ARID1B: variants seen among roughly 807,000 people sequenced by gnomAD.
The protein encoded by ARID1B is AT-rich interaction domain 1B, also known as AT-rich interactive domain-containing protein 1B.
Under a neutral mutation model 212.3 loss-of-function variants are expected in ARID1B, and 30 were observed. The observed-to-expected ratio is 0.14, with a 90% CI of 0.11 to 0.19. ARID1B has a LOEUF of 0.19. ARID1B is among the 10% of genes least tolerant of loss of function. The pLI is 1.00. For missense variants in ARID1B, 2,891 were observed against 3,204.0 expected (o/e 0.90, Z 2.36); for synonymous variants, 1,402 against 1,301.7 (o/e 1.08, Z -1.66).
chr6:157,207,913 G>A lies in ARID1B; in HGVS notation c.*22G>A. 1 of 1,466,736 alleles carries A rather than the reference G, an allele frequency of 6.8e-7. No homozygotes were observed. 90.9% of individuals were successfully genotyped at this position (1,466,736 alleles called of 1,614,324 possible). ...ATGACATAAGTGAGAAGGCAAGCAT[G>A]TGTGAGTGAAGATTAGAGGGTCACA... On this transcript the variant is annotated 3_prime_UTR_variant, in exon 20 of 20. Transcript: ENST00000636930. This position sits in a 1 kb window ranked among gnomAD's most constrained non-coding sequence, Gnocchi z 8.5.
chr6:156,828,728 C>CT (rs1782932563), intron 1 of ARID1B, among the ~76,000 whole-genome samples: 1 of 152,174 alleles, frequency 6.6e-6, no homozygotes, highest in South Asian at 2.1e-4. Context: ...GATCTAAAAT[C>CT]TATCTTTTCA....
intron 16 of ARID1B, chr6:157,198,587 A>G: frequency 1.9e-6 from 1 of 528,780 alleles, no homozygotes; most frequent in South Asian, 2.8e-5. Flanking sequence ...ATTAGCCAAC[A>G]GCCCAAACTA....
chr6:156,931,016 C>T lies in ARID1B; in HGVS notation c.2137-4450C>T, dbSNP rs527939236. On this transcript the variant is annotated intron_variant, in intron 3 of 19. Transcript: ENST00000636930. ...CCATTCTGGCCAACACAGTGAAACC[C>T]CATCTCTACTAAAAATACAAAAAAT... Among the ~76,000 whole-genome samples, 821 of 152,040 alleles carry T rather than the reference C, an allele frequency of 5.4e-3. 10 individuals carry two copies. The highest frequency in any genetic ancestry group is 0.018 in the African/African-American group (766 of 41,482).
chr6:157,001,505 T>C (rs1403418532), intron 4 of ARID1B, among the ~76,000 whole-genome samples: 1 of 152,198 alleles, frequency 6.6e-6, no homozygotes, highest in Non-Finnish European at 1.5e-5. Context: ...AGACCAACCA[T>C]CGAAGCAGCT....
chr6:156,922,573 A>G (rs1031670374), intron 3 of ARID1B, among the ~76,000 whole-genome samples: 1 of 152,130 alleles, frequency 6.6e-6, no homozygotes, highest in African/African-American at 2.4e-5. Context: ...AGTAATTTTT[A>G]TTTGTGTTTC....
intron 18 of ARID1B, among the ~76,000 whole-genome samples, chr6:157,202,333 T>A (rs1794166020): frequency 6.6e-6 from 1 of 152,172 alleles, no homozygotes; most frequent in Non-Finnish European, 1.5e-5. Flanking sequence ...GAAAAATTAC[T>A]CAAAAAATAT....
intron 4 of ARID1B, among the ~76,000 whole-genome samples, chr6:157,036,093 T>G (rs1257752969): frequency 2.6e-5 from 4 of 152,244 alleles, no homozygotes; most frequent in African/African-American, 7.2e-5. Context: ...TTCTGTTGCC[T>G]TCTTTCCTTG....
intron 4 of ARID1B, chr6:156,938,759 G>T (rs2282074): frequency 6.6e-6 from 1 of 151,998 alleles, no homozygotes; most frequent in South Asian, 2.1e-4. Context: ...AGAAATCAAG[G>T]CATTTCCAAT....
chr6:157,173,767 G>A (rs917606611), intron 9 of ARID1B: 8 of 387,698 alleles, frequency 2.1e-5, no homozygotes, highest in Non-Finnish European at 3.2e-5. Context: ...ACCTTCATAG[G>A]TTTGGGTCTT....
chr6:157,039,296 A>G (rs1273160151), intron 4 of ARID1B, among the ~76,000 whole-genome samples: 4 of 150,586 alleles, frequency 2.7e-5, no homozygotes, highest in African/African-American at 4.9e-5. Flanking sequence ...TTATACATAT[A>G]ATTAAAAATG....
chr6:156,935,689 C>A, intron 4 of ARID1B, 113 bp downstream of exon 4: 2 of 972,058 alleles, frequency 2.1e-6, no homozygotes, highest in Non-Finnish European at 3.0e-6. Context: ...AGTTTCTAGA[C>A]TTCAGGTTTA....
intron 6 of ARID1B, among the ~76,000 whole-genome samples, chr6:157,111,476 T>C (rs974592295): frequency 2.0e-5 from 3 of 152,188 alleles, no homozygotes; most frequent in African/African-American, 4.8e-5. Context: ...GAGATACCGC[T>C]GTCCTGCACT....
intron 2 of ARID1B, among the ~76,000 whole-genome samples, chr6:156,839,221 T>C (rs550178231): frequency 2.0e-5 from 3 of 152,346 alleles, no homozygotes; most frequent in South Asian, 4.1e-4. Flanking sequence ...TTATTTCTTA[T>C]AGTTCTGAAG....
intron 9 of ARID1B, chr6:157,168,050 G>A (rs6926549): frequency 0.065 from 9,833 of 152,268 alleles, 464 homozygotes; most frequent in African/African-American, 0.13. Flanking sequence ...CCCGTGATGC[G>A]TTAGGAATGC....
chr6:157,129,973 A>G (rs919638276), intron 6 of ARID1B, among the ~76,000 whole-genome samples: 1 of 152,178 alleles, frequency 6.6e-6, no homozygotes, highest in South Asian at 2.1e-4. Flanking sequence ...GTTCGAGACC[A>G]GCCTGGCCAA....
chr6:156,898,216 A>T (rs1317785388), intron 2 of ARID1B, among the ~76,000 whole-genome samples: 1 of 152,194 alleles, frequency 6.6e-6, no homozygotes, highest in Non-Finnish European at 1.5e-5. Context: ...CCGTCTGGTT[A>T]TATGAGTTAT....
chr6:156,935,217 C>T (rs1314620523), intron 3 of ARID1B, among the ~76,000 whole-genome samples: 7 of 151,576 alleles, frequency 4.6e-5, no homozygotes, highest in African/African-American at 1.7e-4. Flanking sequence ...CTCAGCCTCC[C>T]AAGTAGCTGC....
rs189049586 is a variant in ARID1B, at chr6:157,210,160, T to G, written c.*2269T>G. On this transcript the variant is annotated 3_prime_UTR_variant, in exon 20 of 20. Transcript: ENST00000636930. ...TCCCACATTACTGAGTCAAACAGTC[T>G]TCTTACATAACAATGCAACCAAATA... 2.5e-3 allele frequency: 591 copies of G among 232,520 alleles called. 1 individual carries two copies. The highest frequency in any genetic ancestry group is 4.0e-3 in the Non-Finnish European group (468 of 117,614). 14.4% of individuals were successfully genotyped at this position (232,520 alleles called of 1,614,324 possible). A position where few individuals can be genotyped will look rare whatever the true frequency, so the allele number is the denominator to read the frequency against.
intron 4 of ARID1B, among the ~76,000 whole-genome samples, chr6:157,021,627 G>C (rs1780276513): frequency 6.6e-6 from 1 of 151,984 alleles, no homozygotes; most frequent in Non-Finnish European, 1.5e-5. Context: ...GCCGCGCCGC[G>C]CACAGATGAG....
Sources: allele counts gnomAD v4.1 joint callset (sites outside exome capture counted in the v4.1 genomes callset), GRCh38; gene constraint gnomAD v4.1.1; non-coding constraint Gnocchi (gnomAD v3.1); transcripts MANE v1.5; gene names NCBI Gene and HGNC (gene_info 2026-07-23, HGNC 2026-07-21).